The following LIN7A variants were observed in gnomAD, a reference collection of about 807,000 sequenced individuals.
The protein encoded by LIN7A is protein lin-7 homolog A.
In LIN7A, 25 loss-of-function variants were observed where a neutral mutation model predicts 29.8. The observed-to-expected ratio is 0.84, with a 90% CI of 0.61 to 1.17. The LOEUF is 1.17. Ranked by LOEUF, LIN7A falls within the 50% of genes most tolerant of loss-of-function variation. The probability of loss-of-function intolerance (pLI) is 0.00; values close to 1 mark genes in which losing one functional copy is unlikely to be tolerated. For missense variants in LIN7A, 239 were observed against 287.0 expected, an observed-to-expected ratio of 0.83 and a Z score of 1.21; for synonymous variants, 118 against 107.5, an observed-to-expected ratio of 1.10 and a Z score of -0.60.
chr12:80,889,181 G>A (rs1376328808), intron 2 of LIN7A, 70 bp downstream of exon 2: 9 of 843,810 alleles, frequency 1.1e-5, no homozygotes, highest in African/African-American at 1.7e-5. Flanking sequence ...AACTGTTTGT[G>A]TAGAGAAGAC....
chr12:80,861,658 C>T (rs994605810), intron 2 of LIN7A: 5 of 152,310 alleles, frequency 3.3e-5, no homozygotes, highest in African/African-American at 1.2e-4. Context: ...CACTGATGTC[C>T]CAGGGAGCCA....
intron 1 of LIN7A, among the ~76,000 whole-genome samples, chr12:80,902,880 G>A (rs9645794): frequency 0.89 from 135,365 of 151,706 alleles, 61,795 homozygotes; most frequent in East Asian, 1. Flanking sequence ...TGCTCTGGCT[G>A]GGACATCCAG....
intron 2 of LIN7A, among the ~76,000 whole-genome samples, chr12:80,887,057 A>C (rs1875366408): frequency 6.6e-6 from 1 of 152,060 alleles, no homozygotes; most frequent in Admixed American, 6.6e-5. Context: ...TCTTCTGCAA[A>C]ACTAGTCCAC....
intron 4 of LIN7A, chr12:80,842,248 G>A: frequency 3.6e-6 from 2 of 557,932 alleles, no homozygotes; most frequent in South Asian, 2.5e-5. Flanking sequence ...TTCTGTGTGT[G>A]TATATATATA....
intron 4 of LIN7A, chr12:80,841,890 T>C: frequency 9.7e-7 from 1 of 1,034,726 alleles, no homozygotes; most frequent in Non-Finnish European, 1.2e-6. Context: ...TTTGACCTCC[T>C]ATTAATGTTA....
chr12:80,853,631 G>C (rs1390722240), intron 2 of LIN7A, among the ~76,000 whole-genome samples: 1 of 73,504 alleles, frequency 1.4e-5, no homozygotes, highest in Non-Finnish European at 2.3e-5. Flanking sequence ...TTATTAGAAT[G>C]TGTAGGTTAA....
chr12:80,913,371 T>G (rs80077014), intron 1 of LIN7A, among the ~76,000 whole-genome samples: 7,757 of 152,310 alleles, frequency 0.051, 253 homozygotes, highest in Middle Eastern at 0.089. Flanking sequence ...ACACTTTCCA[T>G]GATACGCCTG....
rs370465323 is a variant in LIN7A at position 80,854,485 on chromosome 12, C to CAAAAAAAAAAA, written c.202-6164_202-6163insTTTTTTTTTTT. 1.1e-4 allele frequency among the ~76,000 whole-genome samples: 4 copies of CAAAAAAAAAAA among 37,112 alleles called. 2 individuals are homozygous for CAAAAAAAAAAA. The highest frequency in any genetic ancestry group is 2.0e-4 in the Non-Finnish European group (4 of 19,836). 24.3% of individuals were successfully genotyped at this position (37,112 alleles called of 152,430 possible). A position where few individuals can be genotyped will look rare whatever the true frequency, so the allele number is the denominator to read the frequency against. On this transcript the variant is annotated intron_variant, in intron 2 of 5. Coordinates refer to ENST00000552864, the MANE Select transcript of LIN7A (RefSeq NM_004664.4). ...TGAATCTGAAATGCATGTTGCTAAG[C>CAAAAAAAAAAA]CAAAAAAAAAAAAAAAAAAAAAAGC...
chr12:80,919,530 G>C (rs952918258), intron 1 of LIN7A, among the ~76,000 whole-genome samples: 1 of 152,050 alleles, frequency 6.6e-6, no homozygotes, highest in African/African-American at 2.4e-5. Context: ...ACTTCCACCG[G>C]GTGCTTCCTA....
chr12:80,912,170 C>T, intron 1 of LIN7A, among the ~76,000 whole-genome samples: 1 of 152,232 alleles, frequency 6.6e-6, no homozygotes, highest in East Asian at 1.9e-4. Context: ...GCCTTACTAT[C>T]TTTATCTGAC....
chr12:80,849,052 C>CTG (rs1267041136), intron 2 of LIN7A, among the ~76,000 whole-genome samples: 1 of 152,158 alleles, frequency 6.6e-6, no homozygotes, highest in Non-Finnish European at 1.5e-5. Flanking sequence ...TCCACTAACG[C>CTG]TGACTCATCT....
intron 4 of LIN7A, among the ~76,000 whole-genome samples, chr12:80,839,562 A>C (rs1439171756): frequency 1.3e-5 from 2 of 152,210 alleles, no homozygotes; most frequent in Non-Finnish European, 2.9e-5. Flanking sequence ...GTGAAACTTA[A>C]ATCTTGCAGT....
intron 1 of LIN7A, among the ~76,000 whole-genome samples, chr12:80,919,428 A>C (rs903151817): frequency 1.3e-5 from 2 of 152,164 alleles, no homozygotes; most frequent in African/African-American, 4.8e-5. Context: ...ATCCAGCTAA[A>C]ATGTTTAACA....
intron 1 of LIN7A, among the ~76,000 whole-genome samples, chr12:80,908,704 G>A (rs1200676273): frequency 6.6e-6 from 1 of 151,974 alleles, no homozygotes; most frequent in Non-Finnish European, 1.5e-5. Flanking sequence ...AATGATCTCA[G>A]TGTAGTTTCA....
chr12:80,908,494 A>G (rs1370500033), intron 1 of LIN7A, among the ~76,000 whole-genome samples: 2 of 152,082 alleles, frequency 1.3e-5, no homozygotes, highest in East Asian at 1.9e-4. Context: ...ATACACATAT[A>G]TGAGAATTTA....
At chr12:80,919,984 A>G (rs75412347) in intron 1 of LIN7A, among the ~76,000 whole-genome samples, 7,708 of 152,308 alleles carry the variant, frequency 0.051, 244 homozygotes, top group Middle Eastern at 0.088. Flanking sequence ...TCGGTGACAC[A>G]TGTGCACAGT....
At chr12:80,913,886 C>A (rs1474686338) in intron 1 of LIN7A, among the ~76,000 whole-genome samples, 1 of 152,144 alleles carries the variant, frequency 6.6e-6, no homozygotes, top group Non-Finnish European at 1.5e-5. Context: ...AGATTATTCT[C>A]TATCATTATA....
chr12:80,844,511 T>C (rs1323756425), intron 4 of LIN7A, among the ~76,000 whole-genome samples: 1 of 152,196 alleles, frequency 6.6e-6, no homozygotes, highest in Non-Finnish European at 1.5e-5. Flanking sequence ...TTTTGGATAT[T>C]GTGTCCCAAG....
At position 80,793,543 on chromosome 12, in the gene LIN7A, A is replaced by T. The variant is rs996656448; in HGVS notation, c.*4184T>A. On this transcript the variant is annotated 3_prime_UTR_variant, in exon 6 of 6. Transcript: ENST00000552864. ...AAATGTTGGAGAGTTTCTCACAGTA[A>T]CCTCCAAGAGGGATTGTGTCTGTCT... is the stretch of plus-strand genomic sequence containing the variant. 6.6e-6 allele frequency: 1 copy of T among 152,136 alleles called. No individual in the cohort carries two copies. Among genetic ancestry groups the T allele is most frequent in the Admixed American group, 6.5e-5 (1 of 15,274 alleles). 9.4% of individuals were successfully genotyped at this position (152,136 alleles called of 1,614,324 possible). A position where few individuals can be genotyped will look rare whatever the true frequency, so the allele number is the denominator to read the frequency against.
Sources: allele counts gnomAD v4.1 joint callset (sites outside exome capture counted in the v4.1 genomes callset), GRCh38; gene constraint gnomAD v4.1.1; transcripts MANE v1.5; gene names NCBI Gene and HGNC (gene_info 2026-07-23, HGNC 2026-07-21).